Variants in PHF8 observed in about 807,000 individuals in gnomAD.
PHF8 encodes the protein histone lysine demethylase PHF8.
In PHF8, 9 loss-of-function variants were observed where a neutral mutation model predicts 74.4. The observed-to-expected ratio is 0.12, with a 90% CI of 0.07 to 0.21. The LOEUF is 0.21. Ranked by LOEUF, PHF8 falls within the 10% of genes least tolerant of loss-of-function variation. The probability of loss-of-function intolerance (pLI) is 1.00; values close to 1 mark genes in which losing one functional copy is unlikely to be tolerated. For missense variants in PHF8, 478 were observed against 816.6 expected (o/e 0.59, Z 5.05); for synonymous variants, 311 against 316.6 (o/e 0.98, Z 0.19).
intron 20 of PHF8, among the ~76,000 whole-genome samples, chrX:53,942,286 A>C (rs1370489983): frequency 8.9e-6 from 1 of 111,925 alleles, no homozygotes; most frequent in Admixed American, 9.6e-5. Context: ...CTTACTCCAT[A>C]ACAACTGCCA....
At chrX:53,989,779 A>G (rs1482730572) in intron 14 of PHF8, among the ~76,000 whole-genome samples, 3 of 112,043 alleles carry the variant, frequency 2.7e-5, no homozygotes, top group Admixed American at 9.5e-5. Flanking sequence ...TAACTGACCT[A>G]TTTTCTACTT....
At chrX:54,037,903 A>G (rs1458156825) in intron 2 of PHF8, among the ~76,000 whole-genome samples, 1 of 112,577 alleles carries the variant, frequency 8.9e-6, no homozygotes, top group Admixed American at 9.4e-5. Flanking sequence ...CAGATAAGAA[A>G]TTATTTGCTA....
At chrX:53,957,025 A>G (rs1557088914) in intron 19 of PHF8, among the ~76,000 whole-genome samples, 1 of 110,075 alleles carries the variant, frequency 9.1e-6, no homozygotes, top group East Asian at 2.8e-4. Context: ...AACCTGGCCA[A>G]CATGGCGAAA....
chrX:54,031,753 A>G (rs974099009), intron 2 of PHF8, among the ~76,000 whole-genome samples: 5 of 111,133 alleles, frequency 4.5e-5, no homozygotes, highest in African/African-American at 1.6e-4. Context: ...TATATATTCA[A>G]AATCCAACCA....
At chrX:53,954,324 C>T (rs1433869811) in intron 19 of PHF8, among the ~76,000 whole-genome samples, 3 of 107,424 alleles carry the variant, frequency 2.8e-5, no homozygotes, top group African/African-American at 6.8e-5. Context: ...ATGGTGAAAC[C>T]CCATCTCTAC....
At chrX:53,992,520 G>C (rs1262013673) in intron 14 of PHF8, among the ~76,000 whole-genome samples, 1 of 111,564 alleles carries the variant, frequency 9.0e-6, no homozygotes, top group Admixed American at 9.6e-5. Context: ...TCTCAGGCTT[G>C]CCAATTCGAT....
At chrX:54,016,530 A>G in intron 6 of PHF8, 65 bp downstream of exon 6, 2 of 924,480 alleles carry the variant, frequency 2.2e-6, no homozygotes, top group Non-Finnish European at 1.6e-6. Context: ...ACGAATATAC[A>G]CTAGATATAT....
chrX:54,028,235 G>C (rs1422487193), intron 2 of PHF8, among the ~76,000 whole-genome samples: 1 of 111,291 alleles, frequency 9.0e-6, no homozygotes, highest in Non-Finnish European at 1.9e-5. Context: ...GAGAGGAGGA[G>C]AGTGTTCTAG....
rs976611025 is a variant in PHF8 at position 53,993,779 on chromosome X, G to A, written c.1448C>T (p.Ser483Leu). 5.8e-6 allele frequency: 7 copies of A among 1,210,689 alleles called. No individual in the cohort carries two copies. Among genetic ancestry groups the A allele is most frequent in the Admixed American group, 2.2e-5 (1 of 46,079 alleles). ...CTTTGAACCATTTTTGGAGGGCAGT[G>A]ACAGCCTGGACATGGACACTGAAGT... ...HSTSVSMSRL[S>L]LPSKNGSKKK... The change falls in exon 13 of 22, where the codon TCA becomes TTA. Residue 483 changes from serine to leucine, a missense_variant. Physicochemically the swap from Ser to Leu is moderately radical, Grantham distance 145. This residue lies in a region of PHF8 where 153 missense variants were observed against 164.8 expected (regional missense o/e 0.93). Transcript: ENST00000338154.
chrX:54,044,943 C>T (rs1196323617), upstream of PHF8: 7 of 1,066,021 alleles, frequency 6.6e-6, no homozygotes, highest in Non-Finnish European at 8.9e-6. Flanking sequence ...GTTGTTGGTT[C>T]TTCCCCCTGT....
intron 12 of PHF8, chrX:53,995,250 T>C (rs782664698): frequency 6.5e-5 from 22 of 340,200 alleles, no homozygotes; most frequent in East Asian, 3.9e-4. Context: ...ATATTAATAA[T>C]AACAACAACT....
At chrX:53,953,671 T>C (rs2064967429) in intron 19 of PHF8, among the ~76,000 whole-genome samples, 1 of 104,403 alleles carries the variant, frequency 9.6e-6, no homozygotes. Flanking sequence ...GGGGGGGTCC[T>C]AGAAAATAGC....
At chrX:54,020,830 T>C (rs1251675565) in intron 4 of PHF8, among the ~76,000 whole-genome samples, 1 of 111,233 alleles carries the variant, frequency 9.0e-6, no homozygotes, top group South Asian at 3.7e-4. Flanking sequence ...GGAATACTTA[T>C]ACCATGTTAG....
chrX:54,022,206 C>T, intron 4 of PHF8, 53 bp downstream of exon 4: 1 of 727,640 alleles, frequency 1.4e-6, no homozygotes, highest in Non-Finnish European at 2.2e-6. Flanking sequence ...GAGGTGAGTT[C>T]CAGCTTCCCA....
chrX:53,978,110 T>TA (rs1335317944), intron 18 of PHF8, among the ~76,000 whole-genome samples: 3 of 108,346 alleles, frequency 2.8e-5, no homozygotes, highest in Non-Finnish European at 5.7e-5. Flanking sequence ...CACACCTGGC[T>TA]AAATTTTTTG....
chrX:53,989,809 T>C (rs1317434547), intron 14 of PHF8, among the ~76,000 whole-genome samples: 1 of 112,280 alleles, frequency 8.9e-6, no homozygotes, highest in Non-Finnish European at 1.9e-5. Flanking sequence ...GAGGATTAAA[T>C]GAGCTCATAC....
intron 8 of PHF8, 101 bp downstream of exon 8, chrX:54,011,021 G>A: frequency 1.3e-6 from 1 of 769,870 alleles, no homozygotes; most frequent in Non-Finnish European, 2.0e-6. Context: ...GCTGATATGA[G>A]AAAGACATCC....
chrX:54,040,963 C>T (rs138791350), intron 2 of PHF8, among the ~76,000 whole-genome samples: 122 of 112,014 alleles, frequency 1.1e-3, no homozygotes, highest in African/African-American at 3.8e-3. Context: ...GTGCCGGGCA[C>T]ACAATAAATA....
At chrX:53,956,361 A>G (rs2065012945) in intron 19 of PHF8, among the ~76,000 whole-genome samples, 1 of 111,794 alleles carries the variant, frequency 8.9e-6, no homozygotes, top group Non-Finnish European at 1.9e-5. Flanking sequence ...TGCCTCAAAC[A>G]ACCCATGATA....
Sources: allele counts gnomAD v4.1 joint callset (sites outside exome capture counted in the v4.1 genomes callset), GRCh38; gene constraint gnomAD v4.1.1; regional missense constraint gnomAD v4.1.1; transcripts MANE v1.5; gene names NCBI Gene and HGNC (gene_info 2026-07-23, HGNC 2026-07-21).